The following SGPP2 variants were observed in gnomAD, a reference collection of about 807,000 sequenced individuals.
The protein encoded by SGPP2 is sphingosine-1-phosphate phosphatase 2, also known as sphingosine 1-phosphate phosphohydrolase 2.
In SGPP2, 30 loss-of-function variants were observed where a neutral mutation model predicts 33.9. That is an observed-to-expected ratio of 0.89 (90% CI 0.66 to 1.20). The LOEUF is 1.20. SGPP2 is among the 50% of genes most tolerant of loss of function. The pLI, the probability that SGPP2 is intolerant of heterozygous loss-of-function variation, is 0.00. For missense variants in SGPP2, 458 were observed against 532.1 expected (o/e 0.86, Z 1.37); for synonymous variants, 233 against 225.0 (o/e 1.04, Z -0.32).
At chr2:222,469,330 T>C (rs12476795) in intron 1 of SGPP2, among the ~76,000 whole-genome samples, 72,133 of 152,008 alleles carry the variant, frequency 0.47, 17,933 homozygotes, top group African/African-American at 0.64. Flanking sequence ...ATTACAGACA[T>C]GTGCCACCAT....
chr2:222,499,361 C>G (rs921014954), intron 2 of SGPP2, among the ~76,000 whole-genome samples: 3 of 152,178 alleles, frequency 2.0e-5, no homozygotes, highest in South Asian at 2.1e-4. Flanking sequence ...ATCAATGGCT[C>G]CCTGCTTTCT....
rs1689274315 is a variant in SGPP2, at chr2:222,550,515, T to C, written c.649-7832T>C. 6.6e-6 allele frequency among the ~76,000 whole-genome samples: 1 copy of C among 152,222 alleles called. No individual in the cohort carries two copies. The highest frequency in any genetic ancestry group is 6.5e-5 in the Admixed American group (1 of 15,288). ...GACATTTTATCCATGCTTACAAGTA[T>C]ATATTTATATAAAATTAGGATCATA... On this transcript the variant is annotated intron_variant, in intron 4 of 4. Coordinates refer to ENST00000321276, the MANE Select transcript of SGPP2 (RefSeq NM_152386.4). The surrounding 1 kb of genome is among the most constrained non-coding windows in gnomAD (Gnocchi z 4.5).
chr2:222,461,429 C>T lies in SGPP2; in HGVS notation c.220-13139C>T, dbSNP rs77093578. Among the ~76,000 whole-genome samples the T allele has an allele frequency of 1.4e-3, 206 of 152,250 alleles. 1 individual carries two copies. Among genetic ancestry groups the T allele is most frequent in the African/African-American group, 4.7e-3 (194 of 41,534 alleles). ...AGTTTCATGGAAGACGATTTTCCCA[C>T]GGACTGGGCAGGTGGGGGGATGGTT... On this transcript the variant is annotated intron_variant, in intron 1 of 4. Transcript: ENST00000321276.
At chr2:222,456,421 A>G (rs1367933807) in intron 1 of SGPP2, among the ~76,000 whole-genome samples, 1 of 152,180 alleles carries the variant, frequency 6.6e-6, no homozygotes, top group Non-Finnish European at 1.5e-5. Context: ...TGGATCTTTT[A>G]TTTTGTTAAA....
Position 222,520,735 on chromosome 2 carries a change from A to AC in SGPP2, c.379-1032_379-1031insC, listed in dbSNP as rs1559168278. On this transcript the variant is annotated intron_variant, in intron 2 of 4. Transcript: ENST00000321276. ...GAGTGAGACTCTGAAAAAAAAAAAA[A>AC]AAAAAAAAAACCCTCCATATCGAGC... Among the ~76,000 whole-genome samples, 26 of 113,010 alleles carry AC rather than the reference A, an allele frequency of 2.3e-4. No homozygotes were observed. The East Asian group carries it at 4.3e-3, about 19-fold the overall frequency. The allele number at this position is 113,010 out of a possible 152,430, so 74.1% of individuals were successfully genotyped here.
chr2:222,508,812 T>C (rs1358294368), intron 2 of SGPP2, among the ~76,000 whole-genome samples: 1 of 152,244 alleles, frequency 6.6e-6, no homozygotes, highest in Non-Finnish European at 1.5e-5. Context: ...CTGATTATCT[T>C]CTATGATTTA....
Position 222,521,960 on chromosome 2 carries a change from G to A in SGPP2, c.558+14G>A. On this transcript the variant is annotated intron_variant, in intron 3 of 4. Coordinates refer to ENST00000321276, the MANE Select transcript of SGPP2 (RefSeq NM_152386.4). ...GACAGATACCAGGTAAGGTGGCCTG[G>A]TTCTTCTTCCTACCCACCTACTGAG... is the stretch of plus-strand genomic sequence containing the variant. The A allele has an allele frequency of 6.7e-7, 1 of 1,491,798 alleles. No homozygotes were observed. The highest frequency in any genetic ancestry group is 1.4e-5 in the South Asian group (1 of 70,812). The allele number at this position is 1,491,798 out of a possible 1,614,324, so 92.4% of individuals were successfully genotyped here.
At chr2:222,484,252 G>A (rs531599109) in intron 2 of SGPP2, among the ~76,000 whole-genome samples, 19 of 152,110 alleles carry the variant, frequency 1.2e-4, no homozygotes, top group African/African-American at 3.6e-4. Context: ...ACATTCTTCC[G>A]TCCCTCTCTC....
At chr2:222,456,395 T>C (rs1697575034) in intron 1 of SGPP2, among the ~76,000 whole-genome samples, 1 of 152,194 alleles carries the variant, frequency 6.6e-6, no homozygotes, top group Non-Finnish European at 1.5e-5. Context: ...GAAATGCAAC[T>C]GGTACTATTG....
intron 2 of SGPP2, among the ~76,000 whole-genome samples, chr2:222,492,283 C>A (rs1011016709): frequency 2.0e-5 from 3 of 152,212 alleles, no homozygotes; most frequent in Non-Finnish European, 4.4e-5. Flanking sequence ...AGGCCTCCAC[C>A]CCTGCAGCAA....
intron 4 of SGPP2, among the ~76,000 whole-genome samples, chr2:222,535,900 A>G (rs1026623988): frequency 6.6e-6 from 1 of 152,200 alleles, no homozygotes; most frequent in African/African-American, 2.4e-5. Flanking sequence ...ATTAAATTCC[A>G]GCATGCTGAG....
At chr2:222,548,819 CCTTGTGATTTGGCTG>C (rs1689245655) in intron 4 of SGPP2, among the ~76,000 whole-genome samples, 1 of 152,202 alleles carries the variant, frequency 6.6e-6, no homozygotes, top group Admixed American at 6.5e-5. Flanking sequence ...GTTGCCTCCT[CCTTGTGATTTGGCTG>C]CTATTGAATC....
At chr2:222,462,675 G>A (rs1041349559) in intron 1 of SGPP2, among the ~76,000 whole-genome samples, 1 of 152,130 alleles carries the variant, frequency 6.6e-6, no homozygotes, top group South Asian at 2.1e-4. Flanking sequence ...CTGCACTCAC[G>A]ATTATGCATA....
rs1160996605 is a variant in SGPP2, at chr2:222,441,934, G to A, written c.219+17113G>A. On this transcript the variant is annotated intron_variant, in intron 1 of 4. Transcript: ENST00000321276. ...AAGTACTCCAGTAGCTTTCTTAAAC[G>A]AAACAAAATGGTACCCCCATGTCTC... is the stretch of plus-strand genomic sequence containing the variant. 2.6e-5 allele frequency among the ~76,000 whole-genome samples: 4 copies of A among 152,104 alleles called. 1 individual carries two copies. The South Asian group carries it at 8.3e-4, about 32-fold the overall frequency.
intron 1 of SGPP2, among the ~76,000 whole-genome samples, chr2:222,448,715 A>G (rs1697433270): frequency 6.6e-6 from 1 of 152,244 alleles, no homozygotes; most frequent in Non-Finnish European, 1.5e-5. Flanking sequence ...ACAAGTTTAT[A>G]AATTGTGAAC....
chr2:222,495,875 C>A (rs890507707), intron 2 of SGPP2, among the ~76,000 whole-genome samples: 2 of 152,190 alleles, frequency 1.3e-5, no homozygotes, highest in African/African-American at 4.8e-5. Context: ...CTTTGACCCA[C>A]CCTTACCACA....
intron 4 of SGPP2, among the ~76,000 whole-genome samples, chr2:222,529,996 C>G (rs1698815790): frequency 6.6e-6 from 1 of 152,196 alleles, no homozygotes; most frequent in African/African-American, 2.4e-5. Flanking sequence ...AAATCTTGTA[C>G]ATCTTGTACA....
intron 1 of SGPP2, among the ~76,000 whole-genome samples, chr2:222,441,153 C>T (rs1351750419): frequency 1.3e-5 from 2 of 152,178 alleles, no homozygotes; most frequent in Non-Finnish European, 2.9e-5. Context: ...AAACTGTATT[C>T]TCAATGGTGA....
Position 222,460,760 on chromosome 2 carries a change from T to C in SGPP2, c.220-13808T>C, listed in dbSNP as rs1050387951. Among the ~76,000 whole-genome samples the C allele has an allele frequency of 9.2e-5, 14 of 152,164 alleles. No homozygotes were observed. Among genetic ancestry groups the C allele is most frequent in the African/African-American group, 3.4e-4 (14 of 41,440 alleles). ...ACCAGGTACTGTTTCAGGAACACGGTGCCTCACAGCTTCCATGCCTCTCCT... is the reference window on the plus strand; with the variant it reads ...ACCAGGTACTGTTTCAGGAACACGGCGCCTCACAGCTTCCATGCCTCTCCT... On this transcript the variant is annotated intron_variant, in intron 1 of 4. Transcript: ENST00000321276. This position sits in a 1 kb window ranked among gnomAD's most constrained non-coding sequence, Gnocchi z 4.3.
Sources: allele counts gnomAD v4.1 joint callset (sites outside exome capture counted in the v4.1 genomes callset), GRCh38; gene constraint gnomAD v4.1.1; non-coding constraint Gnocchi (gnomAD v3.1); transcripts MANE v1.5; gene names NCBI Gene and HGNC (gene_info 2026-07-23, HGNC 2026-07-21).